Variants in CUBN observed in about 807,000 individuals in gnomAD.
The protein encoded by CUBN is cubilin, also known as 460 kDa receptor.
In CUBN, 282 loss-of-function variants were observed where a neutral mutation model predicts 405.3. The observed-to-expected ratio is 0.70, with a 90% confidence interval of 0.63 to 0.77. The LOEUF is 0.77. CUBN is among the 30% of genes least tolerant of loss of function. The pLI, the probability that CUBN is intolerant of heterozygous loss-of-function variation, is 0.00. For missense variants in CUBN, 4,514 were observed against 4,475.2 expected, an observed-to-expected ratio of 1.01 and a Z score of -0.25; for synonymous variants, 1,684 against 1,617.0, an observed-to-expected ratio of 1.04 and a Z score of -0.99.
In CUBN at chr10:17,127,811, C is replaced by T. The variant is rs78670739; in HGVS notation, c.348+18G>A. Reference sequence around the variant, plus strand: ...AGGGAGAACTCATCGGTTCTTATGACGTAGATGTCAGACTTACCTTGGAAT... The same window carrying T: ...AGGGAGAACTCATCGGTTCTTATGATGTAGATGTCAGACTTACCTTGGAAT... On this transcript the variant is annotated intron_variant, in intron 3 of 66. Coordinates refer to ENST00000377833, the MANE Select transcript of CUBN (RefSeq NM_001081.4). The T allele has an allele frequency of 7.0e-6, 11 of 1,580,340 alleles. No homozygotes were observed. In the South Asian group the frequency reaches 7.8e-5, roughly 11 times the overall value.
At position 17,045,992 on chromosome 10, in the gene CUBN, C is replaced by T; in HGVS notation, c.3432G>A (p.Lys1144=). The change falls in exon 24 of 67, where the codon AAG becomes AAA. Residue 1144 remains lysine, a synonymous_variant. Transcript: ENST00000377833. ...SHSNKLWLKF[K]SDQIDTRSGF... ...CAGACCTTGTGTCTATTTGGTCACT[C>T]TTAAATTTTAACCATAGTTTGTTAC... is the stretch of plus-strand genomic sequence containing the variant. 6.2e-7 allele frequency: 1 copy of T among 1,613,970 alleles called. No homozygotes were observed. The highest frequency in any genetic ancestry group is 8.5e-7 in the Non-Finnish European group (1 of 1,179,946).
intron 5 of CUBN, 81 bp from the exon 6 acceptor site, chr10:17,122,979 G>A (rs1037806081): frequency 6.5e-6 from 6 of 927,700 alleles, no homozygotes; most frequent in East Asian, 2.4e-5. Context: ...TACGTTTAAG[G>A]ATTTATACGT....
chr10:17,034,839 C>T (rs1564489000), intron 27 of CUBN, among the ~76,000 whole-genome samples: 2 of 151,974 alleles, frequency 1.3e-5, no homozygotes, highest in African/African-American at 4.8e-5. Context: ...CTTGTTCCCC[C>T]AAAAAATGTA....
chr10:17,121,583 T>C (rs1276329084), intron 6 of CUBN, among the ~76,000 whole-genome samples: 4 of 150,204 alleles, frequency 2.7e-5, no homozygotes, highest in African/African-American at 7.3e-5. Flanking sequence ...CATTAGGAGA[T>C]ATACCTAATG....
chr10:17,025,155 T>A (rs1360892885), intron 27 of CUBN, among the ~76,000 whole-genome samples: 4 of 152,140 alleles, frequency 2.6e-5, no homozygotes, highest in Admixed American at 6.5e-5. Flanking sequence ...TGAGGAGAAA[T>A]TTTGGGTGTA....
intron 6 of CUBN, among the ~76,000 whole-genome samples, chr10:17,117,180 T>C (rs1296775230): frequency 6.6e-6 from 1 of 152,116 alleles, no homozygotes; most frequent in Non-Finnish European, 1.5e-5. Context: ...CTCATATTGT[T>C]TTCTTTCCTC....
intron 6 of CUBN, among the ~76,000 whole-genome samples, chr10:17,119,980 T>G (rs914806731): frequency 1.3e-5 from 2 of 152,192 alleles, no homozygotes; most frequent in African/African-American, 4.8e-5. Flanking sequence ...AAAGACTCCT[T>G]TTTCCGTCCA....
intron 29 of CUBN, among the ~76,000 whole-genome samples, chr10:16,986,391 G>C (rs942987468): frequency 1.3e-5 from 2 of 152,130 alleles, no homozygotes; most frequent in Admixed American, 6.5e-5. Flanking sequence ...TCTGGGGAGA[G>C]GGAGTGAGAA....
At chr10:16,892,023 C>T (rs1301563360) in intron 54 of CUBN, among the ~76,000 whole-genome samples, 1 of 152,166 alleles carries the variant, frequency 6.6e-6, no homozygotes, top group Admixed American at 6.5e-5. Flanking sequence ...TCATTCCAAA[C>T]ACATCTCTTC....
At chr10:17,070,005 T>G (rs1835702679) in intron 19 of CUBN, among the ~76,000 whole-genome samples, 1 of 152,194 alleles carries the variant, frequency 6.6e-6, no homozygotes, top group Non-Finnish European at 1.5e-5. Context: ...AGTTTCATGG[T>G]TTTAGCTCTG....
intron 17 of CUBN, among the ~76,000 whole-genome samples, chr10:17,081,955 G>T (rs2131860565): frequency 8.2e-6 from 1 of 121,760 alleles, no homozygotes; most frequent in East Asian, 3.2e-4. Context: ...CTCTCCTTCT[G>T]AATAATACAG....
chr10:17,114,305 C>A, intron 7 of CUBN, 116 bp from the exon 8 acceptor site: 1 of 996,660 alleles, frequency 1.0e-6, no homozygotes, highest in Non-Finnish European at 1.6e-6. Context: ...TCCATAAGGC[C>A]AATCCACTGG....
intron 28 of CUBN, among the ~76,000 whole-genome samples, chr10:17,008,943 A>T (rs905237554): frequency 2.6e-5 from 4 of 152,144 alleles, no homozygotes; most frequent in African/African-American, 9.7e-5. Context: ...ATGATACATC[A>T]TGATTTACGT....
chr10:17,001,207 C>T (rs537768796), intron 28 of CUBN, among the ~76,000 whole-genome samples: 30 of 152,152 alleles, frequency 2.0e-4, no homozygotes, highest in Non-Finnish European at 3.4e-4. Flanking sequence ...AGCTCATAAA[C>T]GTAGTGCGGA....
At chr10:17,035,930 C>T (rs1227667577) in intron 27 of CUBN, among the ~76,000 whole-genome samples, 2 of 151,776 alleles carry the variant, frequency 1.3e-5, no homozygotes, top group Non-Finnish European at 2.9e-5. Context: ...AACAAACACC[C>T]ATGACACAAG....
At chr10:17,055,678 T>C (rs1835377576) in intron 22 of CUBN, among the ~76,000 whole-genome samples, 1 of 152,102 alleles carries the variant, frequency 6.6e-6, no homozygotes, top group East Asian at 1.9e-4. Flanking sequence ...TGTCATTTTA[T>C]AATAGCATAA....
rs545331234 is a variant in CUBN, at chr10:16,863,045, C to A, written c.9454+6591G>T. 7.7e-4 allele frequency among the ~76,000 whole-genome samples: 118 copies of A among 152,282 alleles called. 2 individuals are homozygous for A. The South Asian group carries it at 0.023, about 30-fold the overall frequency. On this transcript the variant is annotated intron_variant, in intron 59 of 66. Transcript: ENST00000377833. ...GTGTTGAAATATGTTTATTAAGAACCTTTCCTTTCTTCTTGCTGATTTGGT... is the reference window on the plus strand; with the variant it reads ...GTGTTGAAATATGTTTATTAAGAACATTTCCTTTCTTCTTGCTGATTTGGT...
At position 16,925,653 on chromosome 10, in the gene CUBN, A is replaced by G. The variant is rs775558576; in HGVS notation, c.6393T>C (p.Ala2131=). 1.9e-6 allele frequency: 3 copies of G among 1,614,086 alleles called. No homozygotes were observed. In the South Asian group the frequency reaches 3.3e-5, roughly 18 times the overall value. ...TCTGGAAAGGCTGTTCAAAATGGACAGCAATGGTCAGGCCACTTTGGACCA... is the reference window on the plus strand; with the variant it reads ...TCTGGAAAGGCTGTTCAAAATGGACGGCAATGGTCAGGCCACTTTGGACCA... ...HVLVQSGLTI[A]VHFEQPFQIP... is the part of the protein sequence containing the mutation. The change falls in exon 42 of 67, where the codon GCT becomes GCC. Residue 2131 remains alanine, a synonymous_variant. Transcript: ENST00000377833.
intron 6 of CUBN, among the ~76,000 whole-genome samples, chr10:17,116,522 G>A (rs1026029547): frequency 2.0e-5 from 3 of 152,190 alleles, no homozygotes; most frequent in Non-Finnish European, 4.4e-5. Flanking sequence ...ATGACTGTTG[G>A]TGCCAGGGGT....
Sources: gnomAD v4.1 joint callset for allele counts (sites outside exome capture counted in the v4.1 genomes callset) on GRCh38, gnomAD v4.1.1 for gene constraint, MANE v1.5 for transcripts, NCBI Gene and HGNC (gene_info 2026-07-23, HGNC 2026-07-21) for gene names.